HERC1: variants seen among roughly 807,000 people sequenced by gnomAD.
HERC1 encodes the protein HECT and RLD domain containing E3 ubiquitin protein ligase family member 1.
In HERC1, 160 loss-of-function variants were observed where a neutral mutation model predicts 554.3. That is an observed-to-expected ratio of 0.29 (90% CI 0.25 to 0.33). The LOEUF (loss-of-function observed/expected upper bound fraction) is 0.33, where lower values mean the gene tolerates loss of function less well. Ranked by LOEUF, HERC1 falls within the 10% of genes least tolerant of loss-of-function variation. The pLI is 1.00. For missense variants in HERC1, 4,919 were observed against 5,918.5 expected (o/e 0.83, Z 5.54); for synonymous variants, 2,175 against 2,131.7 (o/e 1.02, Z -0.56).
chr15:63,626,224 T>G, intron 70 of HERC1, 70 bp from the exon 71 acceptor site: 1 of 1,479,312 alleles, frequency 6.8e-7, no homozygotes, highest in South Asian at 1.2e-5. Context: ...TTTGAAAAAT[T>G]TCAAGCATAC....
intron 1 of HERC1, among the ~76,000 whole-genome samples, chr15:63,776,819 A>T (rs909511733): frequency 2.6e-5 from 4 of 152,176 alleles, no homozygotes; most frequent in South Asian, 2.1e-4. Flanking sequence ...AAATAAAAAT[A>T]AAAAAACTCA....
At chr15:63,804,304 A>G (rs77568702) in intron 1 of HERC1, among the ~76,000 whole-genome samples, 6,534 of 152,244 alleles carry the variant, frequency 0.043, 270 homozygotes, top group African/African-American at 0.11. Context: ...AAGTATTGCT[A>G]GCCGGGCACA....
intron 33 of HERC1, among the ~76,000 whole-genome samples, chr15:63,687,252 T>A (rs1038340694): frequency 6.6e-6 from 1 of 152,162 alleles, no homozygotes; most frequent in South Asian, 2.1e-4. Flanking sequence ...TAAGAAATAG[T>A]GAGGGGGCCA....
intron 48 of HERC1, among the ~76,000 whole-genome samples, chr15:63,658,219 C>T (rs995546282): frequency 3.9e-5 from 6 of 152,174 alleles, no homozygotes; most frequent in African/African-American, 1.4e-4. Flanking sequence ...GACTTAGCTA[C>T]ACAGACGGTC....
At chr15:63,791,116 C>T (rs1181885585) in intron 1 of HERC1, among the ~76,000 whole-genome samples, 2 of 152,118 alleles carry the variant, frequency 1.3e-5, no homozygotes, top group African/African-American at 2.4e-5. Flanking sequence ...CTCGGACATA[C>T]AGAAATTTGC....
chr15:63,671,001 A>T (rs1156812766), intron 39 of HERC1, among the ~76,000 whole-genome samples: 2 of 152,058 alleles, frequency 1.3e-5, no homozygotes, highest in African/African-American at 4.8e-5. Flanking sequence ...TGGGAGTTCG[A>T]GACCAGCCTG....
intron 26 of HERC1, among the ~76,000 whole-genome samples, chr15:63,697,362 G>A (rs2072475473): frequency 6.6e-6 from 1 of 151,668 alleles, no homozygotes; most frequent in African/African-American, 2.4e-5. Flanking sequence ...TGACTACAGT[G>A]GAATTATGGA....
At chr15:63,797,053 G>A (rs1159432833) in intron 1 of HERC1, among the ~76,000 whole-genome samples, 1 of 152,178 alleles carries the variant, frequency 6.6e-6, no homozygotes, top group African/African-American at 2.4e-5. Flanking sequence ...CATTCAGATG[G>A]TTAGAGAGCT....
chr15:63,616,433 A>G lies in HERC1; in HGVS notation c.13938T>C (p.His4646=). 6.2e-7 allele frequency: 1 copy of G among 1,612,828 alleles called. No homozygotes were observed. Among genetic ancestry groups the G allele is most frequent in the East Asian group, 2.2e-5 (1 of 44,862 alleles). The change falls in exon 75 of 78, where the codon CAT becomes CAC. Residue 4646 remains histidine (H), a synonymous_variant. Transcript: ENST00000443617. ...ACATAGACTGGCCAGGATTTACCTCATGGAAACTCTCCTCGGTAATCCCAC... is the reference window on the plus strand; with the variant it reads ...ACATAGACTGGCCAGGATTTACCTCGTGGAAACTCTCCTCGGTAATCCCAC... The part of the protein sequence containing the change: ...EDSGITEESF[H]EMIPLDSFVG...
chr15:63,833,753 G>GCACACACACACACACACACA (rs778263359), intron 1 of HERC1, 74 bp downstream of exon 1: 13 of 46,448 alleles, frequency 2.8e-4, no homozygotes, highest in African/African-American at 6.8e-4. Context: ...ACGCGCGCGC[G>GCACACACACACACACACACA]CACACACACA....
At position 63,727,757 on chromosome 15, in the gene HERC1, C is replaced by A; in HGVS notation, c.3236G>T (p.Arg1079Leu). 6.2e-7 allele frequency: 1 copy of A among 1,613,300 alleles called. No homozygotes were observed. The highest frequency in any genetic ancestry group is 8.5e-7 in the Non-Finnish European group (1 of 1,179,780). Residue 1079 changes from arginine to leucine, a missense_variant, in exon 17 of 78, where the codon CGG becomes CTG. By Grantham distance (102) the Arg-to-Leu change is moderately radical. Around this residue, in one of 11 missense-constraint regions of HERC1, gnomAD observed 1,121 missense variants for 1,244.0 expected, o/e 0.90. Transcript: ENST00000443617. The surrounding 1 kb of genome is among the most constrained non-coding windows in gnomAD (Gnocchi z 4.3). Reference protein sequence around the residue: ...SLLLLPVSVARPLLSYLLDLL... With the variant: ...SLLLLPVSVALPLLSYLLDLL... Reference sequence around the variant, plus strand: ...GTCGAGGAGGTAACTCAATAAAGGCCGAGCCACTGACACAGGGAGTAACAG... The same window carrying A: ...GTCGAGGAGGTAACTCAATAAAGGCAGAGCCACTGACACAGGGAGTAACAG...
chr15:63,737,427 GATATATATATATATATCTTTTTTCCAGAT>G (rs1567069537), intron 12 of HERC1, among the ~76,000 whole-genome samples: 891 of 88,486 alleles, frequency 0.01, 46 homozygotes, highest in Admixed American at 0.014. Context: ...CTTTTTTCCA[GATATATATATATATATCTTTTTTCCAGAT>G]ATATATATAT....
chr15:63,829,766 T>G (rs1036716392), intron 1 of HERC1, among the ~76,000 whole-genome samples: 4 of 151,164 alleles, frequency 2.6e-5, no homozygotes, highest in Non-Finnish European at 5.9e-5. Flanking sequence ...AAAAATAAGA[T>G]GAGCATGGAA....
intron 2 of HERC1, among the ~76,000 whole-genome samples, chr15:63,766,275 T>A (rs1446814157): frequency 6.6e-6 from 1 of 151,366 alleles, no homozygotes; most frequent in Non-Finnish European, 1.5e-5. Flanking sequence ...TATTAGTAAT[T>A]AATTAAAATT....
chr15:63,657,751 A>C (rs74018582), intron 48 of HERC1, among the ~76,000 whole-genome samples: 1,627 of 151,930 alleles, frequency 0.011, 26 homozygotes, highest in African/African-American at 0.037. Context: ...AACTTTATTG[A>C]TTTATTTTTC....
intron 71 of HERC1, among the ~76,000 whole-genome samples, chr15:63,625,208 T>TTGCTG (rs748465892): frequency 2.4e-4 from 36 of 152,206 alleles, no homozygotes; most frequent in Non-Finnish European, 3.8e-4. Flanking sequence ...CAGCAAAATT[T>TTGCTG]ACTTTATTTC....
chr15:63,619,764 T>A (rs1300718650), intron 74 of HERC1, among the ~76,000 whole-genome samples: 1 of 152,200 alleles, frequency 6.6e-6, no homozygotes, highest in Non-Finnish European at 1.5e-5. Context: ...TCTTCTAGAT[T>A]TTCTAGTTTA....
At position 63,696,125 on chromosome 15, in the gene HERC1, T is replaced by G; in HGVS notation, c.5120A>C (p.Gln1707Pro). Residue 1707 changes from glutamine to proline, a missense_variant and splice_region_variant, in exon 27 of 78, where the codon CAG becomes CCG. Gln to Pro is a moderately conservative substitution (Grantham distance 76). Coordinates refer to ENST00000443617, the MANE Select transcript of HERC1 (RefSeq NM_003922.4). The stretch of plus-strand genomic sequence containing the variant: ...TATATACTGCAAGGTGTCACCTACC[T>G]GATAGTGATGCAATCGGCCACTCTC... Reference protein sequence around the residue: ...KGESGRLHHYQDGIRAAKRNI... With the variant: ...KGESGRLHHYPDGIRAAKRNI... The G allele has an allele frequency of 6.2e-7, 1 of 1,607,826 alleles. No individual in the cohort carries two copies. The highest frequency in any genetic ancestry group is 2.2e-5 in the East Asian group (1 of 44,850).
At chr15:63,726,360 C>T (rs1200087964) in intron 17 of HERC1, among the ~76,000 whole-genome samples, 7 of 151,572 alleles carry the variant, frequency 4.6e-5, no homozygotes, top group Non-Finnish European at 1.0e-4. Flanking sequence ...GGAACACATA[C>T]CAATGAAATA....
Sources: gnomAD v4.1 joint callset for allele counts (sites outside exome capture counted in the v4.1 genomes callset) on GRCh38, gnomAD v4.1.1 for gene constraint, gnomAD v4.1.1 regional missense constraint, Gnocchi (gnomAD v3.1) non-coding constraint, MANE v1.5 for transcripts, NCBI Gene and HGNC (gene_info 2026-07-23, HGNC 2026-07-21) for gene names.